PPIL6: variants seen among roughly 807,000 people sequenced by gnomAD.
The protein encoded by PPIL6 is peptidylprolyl isomerase like 6.
A neutral mutation model predicts 36.8 loss-of-function variants in PPIL6; 39 were observed. The ratio of observed to expected loss-of-function variants is 1.06; its 90% CI spans 0.82 to 1.38. PPIL6 has a LOEUF of 1.38. Among genes scored for constraint, PPIL6 ranks in the 40% most tolerant of loss-of-function variants. The pLI, the probability that PPIL6 is intolerant of heterozygous loss-of-function variation, is 0.00. For missense variants in PPIL6, 368 were observed against 379.1 expected, an observed-to-expected ratio of 0.97 and a Z score of 0.24; for synonymous variants, 123 against 134.1, an observed-to-expected ratio of 0.92 and a Z score of 0.57.
chr6:109,396,469 G>A (rs1244651699), intron 7 of PPIL6, among the ~76,000 whole-genome samples: 1 of 152,072 alleles, frequency 6.6e-6, no homozygotes, highest in Non-Finnish European at 1.5e-5. Context: ...GCTCTGCCCA[G>A]AACAGATGAC....
At chr6:109,426,742 A>AT in intron 5 of PPIL6, 105 bp downstream of exon 5, 3 of 760,016 alleles carry the variant, frequency 3.9e-6, no homozygotes, top group Admixed American at 2.8e-5. Flanking sequence ...AATACGTCTA[A>AT]TTTTAAGTAT....
At chr6:109,434,403 A>G (rs1453842027) in intron 2 of PPIL6, among the ~76,000 whole-genome samples, 1 of 152,160 alleles carries the variant, frequency 6.6e-6, no homozygotes, top group Non-Finnish European at 1.5e-5. Flanking sequence ...AAACAAAGAA[A>G]AAAAAGAATA....
chr6:109,422,205 T>C (rs778492886), intron 5 of PPIL6, among the ~76,000 whole-genome samples: 13 of 152,268 alleles, frequency 8.5e-5, no homozygotes, highest in Middle Eastern at 6.8e-3. Flanking sequence ...TAGCTGGGCA[T>C]GGTGGCATGT....
intron 7 of PPIL6, among the ~76,000 whole-genome samples, chr6:109,395,568 C>T (rs1241468839): frequency 1.3e-5 from 2 of 151,492 alleles, no homozygotes; most frequent in Non-Finnish European, 2.9e-5. Context: ...ACAGTGCTGG[C>T]CTGGACTCCT....
chr6:109,423,449 A>G (rs556580533), intron 5 of PPIL6, among the ~76,000 whole-genome samples: 1 of 152,128 alleles, frequency 6.6e-6, no homozygotes, highest in African/African-American at 2.4e-5. Flanking sequence ...TATCCATTTT[A>G]AAGTGTGTTG....
intron 6 of PPIL6, among the ~76,000 whole-genome samples, chr6:109,402,069 A>G (rs74767114): frequency 0.017 from 2,644 of 152,266 alleles, 68 homozygotes; most frequent in African/African-American, 0.06. Context: ...TTGCTTTTAC[A>G]TATTCTGATT....
intron 1 of PPIL6, among the ~76,000 whole-genome samples, chr6:109,436,746 A>T (rs1033625009): frequency 6.6e-6 from 1 of 152,088 alleles, no homozygotes; most frequent in African/African-American, 2.4e-5. Context: ...AAAAAACAAA[A>T]CAAAACAAAA....
intron 5 of PPIL6, among the ~76,000 whole-genome samples, chr6:109,422,033 C>T (rs759070682): frequency 2.6e-5 from 4 of 152,098 alleles, no homozygotes; most frequent in African/African-American, 9.7e-5. Context: ...CATGCCACCA[C>T]GCCCAGCTAA....
At chr6:109,435,429 C>T (rs1264978224) in intron 2 of PPIL6, among the ~76,000 whole-genome samples, 2 of 151,642 alleles carry the variant, frequency 1.3e-5, no homozygotes, top group Non-Finnish European at 2.9e-5. Flanking sequence ...TCCAAAGTAG[C>T]TGGGATTATA....
At chr6:109,406,567 G>T (rs1772806661) in intron 6 of PPIL6, among the ~76,000 whole-genome samples, 1 of 152,028 alleles carries the variant, frequency 6.6e-6, no homozygotes, top group Admixed American at 6.6e-5. Context: ...TTCACTGGGG[G>T]CAGCAAAATG....
In PPIL6 at chr6:109,427,076, T is replaced by C. The variant is rs369716998; in HGVS notation, c.483+18A>G. The C allele has an allele frequency of 1.2e-6, 2 of 1,602,182 alleles. No homozygotes were observed. Among genetic ancestry groups the C allele is most frequent in the Non-Finnish European group, 1.7e-6 (2 of 1,170,336 alleles). The stretch of plus-strand genomic sequence containing the variant: ...TAGATCCTACCCCCACAAACTTACA[T>C]ATAAAAAAAAGTATCACCTCAAAAA... On this transcript the variant is annotated intron_variant, in intron 4 of 7. Coordinates refer to ENST00000521072, the MANE Select transcript of PPIL6 (RefSeq NM_173672.5).
intron 5 of PPIL6, 61 bp downstream of exon 5, chr6:109,426,786 G>T: frequency 8.7e-7 from 1 of 1,154,992 alleles, no homozygotes; most frequent in Non-Finnish European, 1.2e-6. Flanking sequence ...AAAGATAAAT[G>T]AAAGTTTGGA....
chr6:109,420,508 C>T lies in PPIL6; in HGVS notation c.632-1265G>A, dbSNP rs367657308. On this transcript the variant is annotated intron_variant, in intron 5 of 7. Coordinates refer to ENST00000521072, the MANE Select transcript of PPIL6 (RefSeq NM_173672.5). ...GTTTTTTTCAGGTGTTCACATGCTA[C>T]GCATATTTTGGTTTAGGCAATGCTC... is the stretch of plus-strand genomic sequence containing the variant. Among the ~76,000 whole-genome samples, 73 of 152,060 alleles carry T rather than the reference C, an allele frequency of 4.8e-4. 1 individual carries two copies. The South Asian group carries it at 0.014, about 29-fold the overall frequency.
At position 109,426,833 on chromosome 6, in the gene PPIL6, G is replaced by C. The variant is rs1289601778; in HGVS notation, c.631+14C>G. ...GATATTGCAATTAACTCGTATTTAA[G>C]ATTTTAAACTTACCCCCTCCTTGTA... is the stretch of plus-strand genomic sequence containing the variant. On this transcript the variant is annotated intron_variant, in intron 5 of 7. Coordinates refer to ENST00000521072, the MANE Select transcript of PPIL6 (RefSeq NM_173672.5). The C allele has an allele frequency of 1.4e-6, 2 of 1,480,110 alleles. No individual in the cohort carries two copies. Among genetic ancestry groups the C allele is most frequent in the Admixed American group, 4.1e-5 (2 of 49,062 alleles). 91.7% of individuals were successfully genotyped at this position (1,480,110 alleles called of 1,614,324 possible).
intron 2 of PPIL6, among the ~76,000 whole-genome samples, chr6:109,435,860 A>C (rs1774417632): frequency 6.6e-6 from 1 of 152,104 alleles, no homozygotes; most frequent in African/African-American, 2.4e-5. Context: ...AGGAGGTTGA[A>C]GCTGCAGTGA....
intron 6 of PPIL6, among the ~76,000 whole-genome samples, chr6:109,405,516 T>G (rs553588010): frequency 6.6e-6 from 1 of 152,352 alleles, no homozygotes; most frequent in African/African-American, 2.4e-5. Flanking sequence ...CAGTCCAGCA[T>G]GTTGCTCTGT....
Position 109,436,105 on chromosome 6 carries a change from C to A in PPIL6, c.230G>T (p.Arg77Met), listed in dbSNP as rs761730038. 28 of 1,528,780 alleles carry A rather than the reference C, an allele frequency of 1.8e-5. No individual in the cohort carries two copies. The highest frequency in any genetic ancestry group is 2.4e-5 in the Non-Finnish European group (27 of 1,103,240). The allele number at this position is 1,528,780 out of a possible 1,614,324, so 94.7% of individuals were successfully genotyped here. ...AWHQYLQEKK[R>M]ELKNETWEYS... ...CCCCACACCCCAAATATCCTTTACCCTTTTTTTCTCCTGTAGATATTGATG... is the reference window on the plus strand; with the variant it reads ...CCCCACACCCCAAATATCCTTTACCATTTTTTTCTCCTGTAGATATTGATG... The change falls in exon 2 of 8, where the codon AGG (arginine) becomes ATG (methionine). Residue 77 changes from arginine (R) to methionine (M), a missense_variant and splice_region_variant. By Grantham distance (91) the Arg-to-Met change is moderately conservative (BLOSUM62 -1). Coordinates refer to ENST00000521072, the MANE Select transcript of PPIL6 (RefSeq NM_173672.5).
chr6:109,393,361 G>A (rs946413016), intron 7 of PPIL6, among the ~76,000 whole-genome samples: 3 of 151,942 alleles, frequency 2.0e-5, no homozygotes, highest in African/African-American at 7.3e-5. Context: ...GTGCTTACCA[G>A]GTGTGTGCCA....
intron 6 of PPIL6, 86 bp downstream of exon 6, chr6:109,419,101 T>C (rs768326412): frequency 3.7e-5 from 32 of 855,058 alleles, no homozygotes; most frequent in Non-Finnish European, 6.3e-5. Context: ...CCCAGTGATA[T>C]CTTATTTGGA....
Sources: gnomAD v4.1 joint callset for allele counts (sites outside exome capture counted in the v4.1 genomes callset) on GRCh38, gnomAD v4.1.1 for gene constraint, MANE v1.5 for transcripts, NCBI Gene and HGNC (gene_info 2026-07-23, HGNC 2026-07-21) for gene names.